The following WDR47 variants were observed in gnomAD, a reference collection of about 807,000 sequenced individuals.
WDR47 encodes the protein WD repeat domain 47.
WDR47 carries 32 observed loss-of-function variants against 97.2 expected under a neutral mutation model. The observed-to-expected ratio is 0.33, with a 90% CI of 0.25 to 0.44. The LOEUF is 0.44. Ranked by LOEUF, WDR47 falls within the 20% of genes least tolerant of loss-of-function variation. The pLI, the probability that WDR47 is intolerant of heterozygous loss-of-function variation, is 1.00. For synonymous variants in WDR47, 375 were observed against 373.5 expected, an observed-to-expected ratio of 1.00 and a Z score of -0.05; for missense variants, 782 against 1,102.3, an observed-to-expected ratio of 0.71 and a Z score of 4.11.
At chr1:109,007,938 C>A (rs983147159) in intron 5 of WDR47, among the ~76,000 whole-genome samples, 1 of 152,038 alleles carries the variant, frequency 6.6e-6, no homozygotes, top group Middle Eastern at 3.4e-3. Flanking sequence ...CCCGGCTCTA[C>A]TAAAAATACA....
intron 1 of WDR47, among the ~76,000 whole-genome samples, chr1:109,033,598 G>A (rs575516690): frequency 6.6e-6 from 1 of 152,290 alleles, no homozygotes; most frequent in East Asian, 1.9e-4. Context: ...AAGAGTGTGG[G>A]CAAATGCCTT....
chr1:109,037,811 T>A (rs969748374), intron 1 of WDR47, among the ~76,000 whole-genome samples: 1 of 152,154 alleles, frequency 6.6e-6, no homozygotes, highest in African/African-American at 2.4e-5. Flanking sequence ...TTATAAATAG[T>A]ATAAAATTTT....
chr1:109,016,271 C>A (rs1661410218), intron 3 of WDR47, among the ~76,000 whole-genome samples: 1 of 151,938 alleles, frequency 6.6e-6, no homozygotes, highest in Admixed American at 6.6e-5. Context: ...AGCGGGGTGG[C>A]ACACGCCTGC....
intron 7 of WDR47, among the ~76,000 whole-genome samples, chr1:108,998,289 G>T (rs1213037114): frequency 6.6e-6 from 1 of 152,130 alleles, no homozygotes; most frequent in African/African-American, 2.4e-5. Flanking sequence ...GATCACCTGA[G>T]GTAGGGAGTT....
chr1:109,004,601 T>C lies in WDR47; in HGVS notation c.1245A>G (p.Glu415=), dbSNP rs765214779. The C allele has an allele frequency of 6.2e-7, 1 of 1,610,896 alleles. No homozygotes were observed. Among genetic ancestry groups the C allele is most frequent in the South Asian group, 1.1e-5 (1 of 90,138 alleles). ...GAQNPGPAKQ[E]KNELRDSTEQ... is the part of the protein sequence containing the mutation. ...GTTTAGTAAATATTACCTCATTTTT[T>C]TCTTGTTTAGCTGGTCCTGGATTCT... The change falls in exon 6 of 15, where the codon GAA becomes GAG. Residue 415 remains glutamate, a synonymous_variant. Transcript: ENST00000369962.
At chr1:109,038,313 G>A (rs949637280) in intron 1 of WDR47, among the ~76,000 whole-genome samples, 2 of 152,178 alleles carry the variant, frequency 1.3e-5, no homozygotes, top group Non-Finnish European at 2.9e-5. Context: ...CTGCGGGAGA[G>A]CTACTGTGCT....
Position 108,995,616 on chromosome 1 carries a change from A to G in WDR47, c.1655T>C (p.Ile552Thr). 6.2e-7 allele frequency: 1 copy of G among 1,614,164 alleles called. No individual in the cohort carries two copies. The highest frequency in any genetic ancestry group is 8.5e-7 in the Non-Finnish European group (1 of 1,180,008). ...TPRNPGSTNH[I>T]PFLEESPCGS... ...ACAAGGTGATTCCTCCAGAAAAGGT[A>G]TGTGATTTGTTGATCCAGGATTACG... Residue 552 changes from isoleucine (I) to threonine (T), a missense_variant, in exon 8 of 15, where the codon ATA (isoleucine) becomes ACA (threonine). Coordinates refer to ENST00000369962, the MANE Select transcript of WDR47 (RefSeq NM_001142551.2).
rs1029346319 is a variant in WDR47, at chr1:108,970,447, G to A, written c.*983C>T. The stretch of plus-strand genomic sequence containing the variant: ...ATACATAAATGTTAGAATCTACAAA[G>A]CTGTAGAAATAAAATCATTATTCTG... On this transcript the variant is annotated 3_prime_UTR_variant, in exon 15 of 15. Transcript: ENST00000369962. The A allele has an allele frequency of 1.3e-5, 2 of 152,512 alleles. No homozygotes were observed. The highest frequency in any genetic ancestry group is 4.8e-5 in the African/African-American group (2 of 41,412). The allele number at this position is 152,512 out of a possible 1,614,324, so 9.4% of individuals were successfully genotyped here.
chr1:108,995,593 A>AAGGTGATTCCTCCAGAAAAGGT lies in WDR47; in HGVS notation c.1656_1677dup (p.Cys560ThrfsTer20). ...TCAAGCACTTACATTTGGCTTCCAC[A>AAGGTGATTCCTCCAGAAAAGGT]AGGTGATTCCTCCAGAAAAGGTATG... On this transcript the variant is annotated frameshift_variant, in exon 8 of 15. Transcript: ENST00000369962. LOFTEE classifies it high-confidence loss of function. 6.2e-7 allele frequency: 1 copy of AAGGTGATTCCTCCAGAAAAGGT among 1,614,104 alleles called. No individual in the cohort carries two copies. The highest frequency in any genetic ancestry group is 8.5e-7 in the Non-Finnish European group (1 of 1,179,946).
intron 9 of WDR47, 139 bp downstream of exon 9, chr1:108,991,115 A>T (rs549692505): frequency 3.1e-6 from 2 of 641,306 alleles, no homozygotes; most frequent in Admixed American, 3.0e-5. Flanking sequence ...TGGGCTCAAG[A>T]CATTCTTCTG....
intron 9 of WDR47, among the ~76,000 whole-genome samples, chr1:108,989,881 A>G (rs1049105504): frequency 6.6e-6 from 1 of 151,956 alleles, no homozygotes; most frequent in Non-Finnish European, 1.5e-5. Context: ...TTTTTAGAAG[A>G]GATTGGGTTT....
chr1:109,010,758 AT>A (rs908370755), intron 5 of WDR47, among the ~76,000 whole-genome samples, 157 bp downstream of exon 5: 98 of 151,790 alleles, frequency 6.5e-4, no homozygotes, highest in African/African-American at 2.2e-3. Context: ...AATTTTTTGT[AT>A]TTTTAGTAGA....
intron 1 of WDR47, among the ~76,000 whole-genome samples, chr1:109,025,994 G>C (rs1662190124): frequency 6.6e-6 from 1 of 151,880 alleles, no homozygotes; most frequent in African/African-American, 2.4e-5. Flanking sequence ...CCTGTTCACA[G>C]ACTTCGTCCA....
At chr1:109,017,987 G>A (rs1571228206) in intron 2 of WDR47, among the ~76,000 whole-genome samples, 3 of 151,848 alleles carry the variant, frequency 2.0e-5, no homozygotes, top group Admixed American at 6.6e-5. Flanking sequence ...GACCTCAGGT[G>A]ATCCACCCAC....
chr1:109,032,635 C>T (rs1357788223), intron 1 of WDR47, among the ~76,000 whole-genome samples: 1 of 151,208 alleles, frequency 6.6e-6, no homozygotes, highest in Non-Finnish European at 1.5e-5. Flanking sequence ...TGGTGGCTCA[C>T]ACCTGTAATC....
chr1:108,990,328 C>T (rs1384249755), intron 9 of WDR47, among the ~76,000 whole-genome samples: 1 of 152,102 alleles, frequency 6.6e-6, no homozygotes, highest in Non-Finnish European at 1.5e-5. Context: ...CGTGCCTCAG[C>T]CTCCCAAGTG....
chr1:109,004,457 G>T, intron 6 of WDR47, 135 bp downstream of exon 6: 3 of 1,099,274 alleles, frequency 2.7e-6, no homozygotes, highest in Non-Finnish European at 1.2e-6. Context: ...GAGAAAATAA[G>T]CTAATAATAA....
At chr1:109,014,455 C>CA (rs1269645888) in intron 3 of WDR47, among the ~76,000 whole-genome samples, 1 of 149,560 alleles carries the variant, frequency 6.7e-6, no homozygotes, top group Non-Finnish European at 1.5e-5. Flanking sequence ...TTTTTAGAGA[C>CA]AGAGTCTTCT....
At chr1:108,987,853 C>A (rs1158270254) in intron 9 of WDR47, among the ~76,000 whole-genome samples, 1 of 152,066 alleles carries the variant, frequency 6.6e-6, no homozygotes, top group African/African-American at 2.4e-5. Context: ...TTCAAATTCC[C>A]TAATTTTTCT....
Sources: allele counts gnomAD v4.1 joint callset (sites outside exome capture counted in the v4.1 genomes callset), GRCh38; gene constraint gnomAD v4.1.1; transcripts MANE v1.5; gene names NCBI Gene and HGNC (gene_info 2026-07-23, HGNC 2026-07-21).